Variants in WDR72 observed in about 807,000 individuals in gnomAD.
WDR72 encodes WD repeat-containing protein 72.
Under a neutral mutation model 124.2 loss-of-function variants are expected in WDR72, and 120 were observed. That is an observed-to-expected ratio of 0.97 (90% CI 0.83 to 1.12). The LOEUF (loss-of-function observed/expected upper bound fraction) is 1.12, where lower values mean the gene tolerates loss of function less well. Among genes scored for constraint, WDR72 ranks in the 50% most tolerant of loss-of-function variants. The pLI, the probability that WDR72 is intolerant of heterozygous loss-of-function variation, is 0.00. For synonymous variants in WDR72, 452 were observed against 441.7 expected (o/e 1.02, Z -0.29); for missense variants, 1,387 against 1,278.8 (o/e 1.08, Z -1.29).
chr15:53,723,963 G>A (rs945938194), intron 2 of WDR72, among the ~76,000 whole-genome samples: 1 of 152,132 alleles, frequency 6.6e-6, no homozygotes, highest in African/African-American at 2.4e-5. Flanking sequence ...CAATGGAATA[G>A]TATACAGCCA....
In WDR72 at chr15:53,714,429, C is replaced by T; in HGVS notation, c.591+5G>A. The T allele has an allele frequency of 6.2e-7, 1 of 1,612,822 alleles. No individual in the cohort carries two copies. The highest frequency in any genetic ancestry group is 2.2e-5 in the East Asian group (1 of 44,824). Reference sequence around the variant, plus strand: ...AGGAAAAAAGAGTAGGGTTCCCAAGCCAACCTGAATGCTGTTGATAGATGA... The same window carrying T: ...AGGAAAAAAGAGTAGGGTTCCCAAGTCAACCTGAATGCTGTTGATAGATGA... On this transcript the variant is annotated splice_donor_5th_base_variant and intron_variant, in intron 6 of 19. Transcript: ENST00000360509.
rs144364546 is a variant in WDR72, at chr15:53,715,973, C to A, written c.340-606G>T. On this transcript the variant is annotated intron_variant, in intron 4 of 19. Coordinates refer to ENST00000360509, the MANE Select transcript of WDR72 (RefSeq NM_182758.4). ...TTTATTAAAGATCAAGTAATGCATT[C>A]TACTTTCAACCAGCTCTCTCTGTGC... Among the ~76,000 whole-genome samples, 14 of 152,262 alleles carry A rather than the reference C, an allele frequency of 9.2e-5. No homozygotes were observed. In the East Asian group the frequency reaches 2.7e-3, roughly 29 times the overall value.
chr15:53,666,763 T>C (rs2015793867), intron 13 of WDR72, among the ~76,000 whole-genome samples: 1 of 152,218 alleles, frequency 6.6e-6, no homozygotes, highest in Non-Finnish European at 1.5e-5. Flanking sequence ...TGTAGGCCAC[T>C]ATGTCTTTAG....
At chr15:53,600,260 T>C (rs1427232282) in intron 17 of WDR72, among the ~76,000 whole-genome samples, 2 of 152,126 alleles carry the variant, frequency 1.3e-5, no homozygotes, top group Non-Finnish European at 2.9e-5. Flanking sequence ...ATAAATGTAA[T>C]AGATAGATTT....
intron 18 of WDR72, among the ~76,000 whole-genome samples, chr15:53,548,254 T>G (rs1893573374): frequency 6.6e-6 from 1 of 152,216 alleles, no homozygotes. Context: ...TCCTTCTAAA[T>G]GCACCCGTGG....
In WDR72 at chr15:53,546,090, G is replaced by T. The variant is rs1016865986; in HGVS notation, c.3149-22768C>A. On this transcript the variant is annotated intron_variant, in intron 18 of 19. Coordinates refer to ENST00000360509, the MANE Select transcript of WDR72 (RefSeq NM_182758.4). ...GGGACTGTAAACTACTTCAACCATT[G>T]TGAAAGTCAGTGTGGCGATTCCTCA... Among the ~76,000 whole-genome samples, 22 of 141,956 alleles carry T rather than the reference G, an allele frequency of 1.5e-4. 2 individuals carry two copies. Among genetic ancestry groups the T allele is most frequent in the East Asian group, 5.9e-4 (3 of 5,124 alleles). 93.1% of individuals were successfully genotyped at this position (141,956 alleles called of 152,430 possible). A position where few individuals can be genotyped will look rare whatever the true frequency, so the allele number is the denominator to read the frequency against.
At chr15:53,575,549 T>A (rs546054235) in intron 18 of WDR72, among the ~76,000 whole-genome samples, 1 of 152,102 alleles carries the variant, frequency 6.6e-6, no homozygotes, top group African/African-American at 2.4e-5. Flanking sequence ...GATATCTCAA[T>A]GGTATAACCT....
intron 14 of WDR72, among the ~76,000 whole-genome samples, chr15:53,642,868 C>G (rs969977204): frequency 1.3e-5 from 2 of 152,008 alleles, no homozygotes; most frequent in African/African-American, 4.8e-5. Context: ...TTTTCCTTAT[C>G]TACCTGCTTG....
chr15:53,698,565 A>G (rs2017074810), intron 13 of WDR72, among the ~76,000 whole-genome samples: 1 of 152,204 alleles, frequency 6.6e-6, no homozygotes, highest in Non-Finnish European at 1.5e-5. Context: ...GAGATTGACA[A>G]GCAAAGAAGC....
Position 53,523,084 on chromosome 15 carries a change from G to A in WDR72, c.3253+134C>T. On this transcript the variant is annotated intron_variant, in intron 19 of 19. Transcript: ENST00000360509. ...GCTCCACACTGTGACCCCTGGAGGT[G>A]ACCATTAATTTGACAGTGCAGCTGC... 8.4e-6 allele frequency: 7 copies of A among 831,068 alleles called. No homozygotes were observed. The South Asian group carries it at 9.5e-5, about 11-fold the overall frequency. 51.5% of individuals were successfully genotyped at this position (831,068 alleles called of 1,614,324 possible).
chr15:53,586,995 C>T (rs755036384), intron 18 of WDR72, among the ~76,000 whole-genome samples: 3 of 151,906 alleles, frequency 2.0e-5, no homozygotes, highest in South Asian at 2.1e-4. Context: ...GTTGGTACTG[C>T]CCCCTAGGGG....
At chr15:53,610,759 A>T (rs1166273652) in intron 16 of WDR72, among the ~76,000 whole-genome samples, 2 of 152,118 alleles carry the variant, frequency 1.3e-5, no homozygotes, top group African/African-American at 4.8e-5. Context: ...ACACTATATA[A>T]AACATGGAAG....
intron 13 of WDR72, among the ~76,000 whole-genome samples, chr15:53,684,914 G>A (rs563835037): frequency 1.3e-5 from 2 of 152,296 alleles, no homozygotes; most frequent in South Asian, 2.1e-4. Flanking sequence ...CTGACCCCGA[G>A]CAGCCTAACT....
At chr15:53,536,102 T>C (rs777706799) in intron 18 of WDR72, among the ~76,000 whole-genome samples, 2 of 152,172 alleles carry the variant, frequency 1.3e-5, no homozygotes, top group Non-Finnish European at 2.9e-5. Context: ...ACTTGGTGGC[T>C]TGCTTGACTG....
intron 9 of WDR72, among the ~76,000 whole-genome samples, chr15:53,706,365 T>C (rs1377925151): frequency 2.1e-5 from 1 of 48,266 alleles, no homozygotes; most frequent in Non-Finnish European, 4.1e-5. Context: ...TATATATATA[T>C]ATATATATAT....
chr15:53,519,955 C>T (rs56318546), intron 19 of WDR72, among the ~76,000 whole-genome samples: 5,366 of 152,116 alleles, frequency 0.035, 261 homozygotes, highest in African/African-American at 0.11. Flanking sequence ...AGGTAATACA[C>T]GAAGTGGTTA....
chr15:53,583,372 T>A (rs2012033561), intron 18 of WDR72, among the ~76,000 whole-genome samples: 1 of 152,052 alleles, frequency 6.6e-6, no homozygotes, highest in Admixed American at 6.6e-5. Context: ...GTAAAATAGA[T>A]ATTCCAGGGT....
intron 13 of WDR72, among the ~76,000 whole-genome samples, chr15:53,691,616 CAGACAGAT>C (rs71132747): frequency 0.072 from 4,698 of 65,198 alleles, 87 homozygotes; most frequent in Non-Finnish European, 0.11. Context: ...GACAGACAGA[CAGACAGAT>C]AGATAGATAG....
chr15:53,603,911 C>A (rs1027327998), intron 17 of WDR72, among the ~76,000 whole-genome samples: 1 of 151,790 alleles, frequency 6.6e-6, no homozygotes, highest in African/African-American at 2.4e-5. Context: ...TACTGCCTAG[C>A]AATTCACAGT....
Sources: allele counts gnomAD v4.1 joint callset (sites outside exome capture counted in the v4.1 genomes callset), GRCh38; gene constraint gnomAD v4.1.1; transcripts MANE v1.5; gene names NCBI Gene and HGNC (gene_info 2026-07-23, HGNC 2026-07-21).